Variants in TAF4B observed in about 807,000 individuals in gnomAD.
The protein encoded by TAF4B is transcription initiation factor TFIID subunit 4B.
In TAF4B, 38 loss-of-function variants were observed where a neutral mutation model predicts 86.4. That is an observed-to-expected ratio of 0.44 (90% CI 0.34 to 0.58). The LOEUF (loss-of-function observed/expected upper bound fraction) is 0.58. Among genes scored for constraint, TAF4B ranks in the 20% least tolerant of loss-of-function variants. The pLI is 0.02. For missense variants in TAF4B, 988 were observed against 1,027.6 expected (o/e 0.96, Z 0.53); for synonymous variants, 388 against 391.2 (o/e 0.99, Z 0.10).
At chr18:26,310,725 A>G (rs1791779) in intron 9 of TAF4B, among the ~76,000 whole-genome samples, 54,065 of 152,096 alleles carry the variant, frequency 0.36, 11,775 homozygotes, top group East Asian at 0.81. Flanking sequence ...GCAATGGGAA[A>G]AGTAAGGGTT....
At chr18:26,263,122 A>G (rs2056193507) in intron 1 of TAF4B, among the ~76,000 whole-genome samples, 1 of 152,078 alleles carries the variant, frequency 6.6e-6, no homozygotes, top group African/African-American at 2.4e-5. Context: ...TGGCTAATTA[A>G]AAAATTGTTT....
At chr18:26,260,363 A>G (rs1297589459) in intron 1 of TAF4B, among the ~76,000 whole-genome samples, 1 of 152,200 alleles carries the variant, frequency 6.6e-6, no homozygotes, top group African/African-American at 2.4e-5. Context: ...GCCCATGCCT[A>G]TGTCCTGAAT....
chr18:26,341,072 A>T (rs2057131476), intron 13 of TAF4B, among the ~76,000 whole-genome samples: 1 of 151,364 alleles, frequency 6.6e-6, no homozygotes, highest in African/African-American at 2.4e-5. Flanking sequence ...GAGACTTATT[A>T]CTCTCTTAGT....
At chr18:26,248,945 G>A (rs1011466415) in intron 1 of TAF4B, among the ~76,000 whole-genome samples, 1 of 151,212 alleles carries the variant, frequency 6.6e-6, no homozygotes, top group Non-Finnish European at 1.5e-5. Flanking sequence ...AGGCTGAGGT[G>A]GGTGGATCAT....
chr18:26,311,071 A>G (rs966080238), intron 9 of TAF4B, among the ~76,000 whole-genome samples: 2 of 152,062 alleles, frequency 1.3e-5, no homozygotes, highest in Non-Finnish European at 2.9e-5. Flanking sequence ...GGTTGTTTCC[A>G]TTGTTTCATA....
At chr18:26,276,827 G>C (rs2056389922) in intron 5 of TAF4B, among the ~76,000 whole-genome samples, 1 of 152,114 alleles carries the variant, frequency 6.6e-6, no homozygotes. Context: ...TGTTGGAAAT[G>C]AATACGTATC....
intron 6 of TAF4B, 107 bp downstream of exon 6, chr18:26,282,167 C>A: frequency 1.1e-6 from 1 of 919,506 alleles, no homozygotes; most frequent in Non-Finnish European, 1.7e-6. Flanking sequence ...AAGATACTGA[C>A]AGTGTGGGAG....
chr18:26,289,411 A>G (rs2056565257), intron 7 of TAF4B, among the ~76,000 whole-genome samples: 2 of 152,200 alleles, frequency 1.3e-5, no homozygotes, highest in Admixed American at 6.5e-5. Flanking sequence ...TACTTCCTTT[A>G]ATAATCATGG....
In TAF4B at chr18:26,390,099, T is replaced by C. The variant is rs1200007200; in HGVS notation, c.*87T>C. ...TGCACTGTCCTGAAATTTCAATTTCTGGAAAATAATCACCAACATGAAAGA... is the reference window on the plus strand; with the variant it reads ...TGCACTGTCCTGAAATTTCAATTTCCGGAAAATAATCACCAACATGAAAGA... On this transcript the variant is annotated 3_prime_UTR_variant, in exon 15 of 15. Transcript: ENST00000269142. 3.0e-6 allele frequency: 4 copies of C among 1,339,660 alleles called. No individual in the cohort carries two copies. In the African/African-American group the frequency reaches 4.4e-5, roughly 15 times the overall value. 83.0% of individuals were successfully genotyped at this position (1,339,660 alleles called of 1,614,324 possible). A position where few individuals can be genotyped will look rare whatever the true frequency, so the allele number is the denominator to read the frequency against.
At chr18:26,346,631 A>C (rs2057181438) in intron 13 of TAF4B, among the ~76,000 whole-genome samples, 1 of 150,040 alleles carries the variant, frequency 6.7e-6, no homozygotes, top group Admixed American at 6.7e-5. Context: ...AGGTATTCTT[A>C]TCAGATTAAC....
rs11329565 is a variant in TAF4B at position 26,391,362 on chromosome 18, GAAAA to G, written c.*1360_*1363del. The G allele has an allele frequency of 7.3e-6, 1 of 137,894 alleles. No individual in the cohort carries two copies. The highest frequency in any genetic ancestry group is 1.6e-5 in the Non-Finnish European group (1 of 62,314). 8.5% of individuals were successfully genotyped at this position (137,894 alleles called of 1,614,324 possible). A position where few individuals can be genotyped will look rare whatever the true frequency, so the allele number is the denominator to read the frequency against. ...AATGCTATACTTATAAGAATTGAAG[GAAAA>G]AAAAAAAAACACCTCACGTATGTTA... On this transcript the variant is annotated 3_prime_UTR_variant, in exon 15 of 15. Coordinates refer to ENST00000269142, the MANE Select transcript of TAF4B (RefSeq NM_005640.3).
chr18:26,248,751 C>T (rs1182083797), intron 1 of TAF4B, among the ~76,000 whole-genome samples: 9 of 83,108 alleles, frequency 1.1e-4, no homozygotes, highest in Admixed American at 6.0e-4. Context: ...CCTTGAACTC[C>T]TGGGCTCAAG....
At chr18:26,237,616 C>G (rs2055768895) in intron 1 of TAF4B, among the ~76,000 whole-genome samples, 1 of 151,988 alleles carries the variant, frequency 6.6e-6, no homozygotes, top group Non-Finnish European at 1.5e-5. Context: ...CTGAGAGGTC[C>G]TCCTGTGGGA....
At chr18:26,311,562 A>G (rs1392137723) in intron 9 of TAF4B, among the ~76,000 whole-genome samples, 1 of 152,160 alleles carries the variant, frequency 6.6e-6, no homozygotes, top group African/African-American at 2.4e-5. Context: ...TGGAGGTTGC[A>G]GTGAGCCGAG....
intron 14 of TAF4B, among the ~76,000 whole-genome samples, chr18:26,379,946 A>T (rs1458633386): frequency 2.0e-5 from 3 of 152,112 alleles, no homozygotes; most frequent in Admixed American, 6.6e-5. Flanking sequence ...AAAATTATAT[A>T]CTTTCCAATT....
At chr18:26,350,488 A>G (rs1330385371) in intron 13 of TAF4B, among the ~76,000 whole-genome samples, 1 of 152,174 alleles carries the variant, frequency 6.6e-6, no homozygotes, top group East Asian at 1.9e-4. Flanking sequence ...CCTGGGCAAC[A>G]TAGAGACCCC....
At chr18:26,353,681 A>C (rs942492389) in intron 13 of TAF4B, among the ~76,000 whole-genome samples, 1 of 152,268 alleles carries the variant, frequency 6.6e-6, no homozygotes, top group Non-Finnish European at 1.5e-5. Context: ...TCCAATGATT[A>C]GGAAAAAGGC....
chr18:26,320,101 A>AT (rs2056949521), intron 10 of TAF4B, among the ~76,000 whole-genome samples: 1 of 152,122 alleles, frequency 6.6e-6, no homozygotes, highest in South Asian at 2.1e-4. Context: ...ATTCAAGCAT[A>AT]TTTTTTCTGT....
intron 1 of TAF4B, among the ~76,000 whole-genome samples, chr18:26,230,846 A>G (rs938921568): frequency 1.3e-5 from 2 of 152,104 alleles, no homozygotes; most frequent in African/African-American, 2.4e-5. Flanking sequence ...GTAGGCATAT[A>G]TGGAGAGAGT....
Sources: gnomAD v4.1 joint callset for allele counts (sites outside exome capture counted in the v4.1 genomes callset) on GRCh38, gnomAD v4.1.1 for gene constraint, MANE v1.5 for transcripts, NCBI Gene and HGNC (gene_info 2026-07-23, HGNC 2026-07-21) for gene names.